Variants in ARHGEF10L observed in about 807,000 individuals in gnomAD.
ARHGEF10L encodes rho guanine nucleotide exchange factor 10-like protein.
ARHGEF10L carries 69 observed loss-of-function variants against 141.2 expected under a neutral mutation model. That is an observed-to-expected ratio of 0.49 (90% confidence interval 0.40 to 0.60). The LOEUF is 0.60. ARHGEF10L is among the 20% of genes least tolerant of loss of function. The probability of loss-of-function intolerance (pLI) is 0.00; values close to 1 mark genes in which losing one functional copy is unlikely to be tolerated. For synonymous variants in ARHGEF10L, 711 were observed against 718.5 expected (o/e 0.99, Z 0.17); for missense variants, 1,482 against 1,734.3 (o/e 0.85, Z 2.58).
chr1:17,580,691 G>A, intron 2 of ARHGEF10L, 59 bp downstream of exon 2: 1 of 1,605,420 alleles, frequency 6.2e-7, no homozygotes, highest in Non-Finnish European at 8.5e-7. Context: ...GCCGCTGGGG[G>A]CCGGCGGAGG....
chr1:17,647,858 A>G (rs2061689445), intron 21 of ARHGEF10L, among the ~76,000 whole-genome samples: 1 of 152,142 alleles, frequency 6.6e-6, no homozygotes, highest in Admixed American at 6.5e-5. Flanking sequence ...AACGAGGTTT[A>G]GCAGATGCTC....
intron 25 of ARHGEF10L, among the ~76,000 whole-genome samples, chr1:17,659,444 C>T (rs1023834357): frequency 6.6e-6 from 1 of 152,202 alleles, no homozygotes; most frequent in African/African-American, 2.4e-5. Flanking sequence ...TTGAATCATC[C>T]ACCTGGTCCG....
intron 26 of ARHGEF10L, among the ~76,000 whole-genome samples, chr1:17,671,057 T>C (rs1007482732): frequency 1.3e-5 from 2 of 152,262 alleles, no homozygotes; most frequent in African/African-American, 4.8e-5. Context: ...TCTCCTTGAG[T>C]GCAGTTGTCC....
chr1:17,691,167 T>G (rs1042464395), intron 27 of ARHGEF10L: 1 of 455,614 alleles, frequency 2.2e-6, no homozygotes, highest in Non-Finnish European at 4.4e-6. Flanking sequence ...TTTTTAAAGT[T>G]GTATATCTCC....
At chr1:17,636,229 G>A (rs1047252316) in intron 18 of ARHGEF10L, among the ~76,000 whole-genome samples, 1 of 152,208 alleles carries the variant, frequency 6.6e-6, no homozygotes, top group Non-Finnish European at 1.5e-5. Flanking sequence ...TGATGTGTCT[G>A]TGGCCGCATT....
chr1:17,566,416 G>A (rs1252929712), intron 1 of ARHGEF10L, among the ~76,000 whole-genome samples: 5 of 152,238 alleles, frequency 3.3e-5, no homozygotes. Context: ...ATAAATCAAG[G>A]TGGGATGGAA....
At chr1:17,640,157 C>T (rs1003026890) in intron 20 of ARHGEF10L, 45 bp from the exon 21 acceptor site, 5 of 1,580,734 alleles carry the variant, frequency 3.2e-6, no homozygotes, top group East Asian at 2.3e-5. Context: ...GAGCCTGGCC[C>T]TTGTGTGGGT....
chr1:17,640,778 G>A (rs755722210), intron 21 of ARHGEF10L, among the ~76,000 whole-genome samples: 3 of 152,194 alleles, frequency 2.0e-5, no homozygotes, highest in Non-Finnish European at 2.9e-5. Context: ...GAAAAATGAT[G>A]CAGGTTGGAC....
intron 26 of ARHGEF10L, 28 bp downstream of exon 26, chr1:17,664,623 C>T: frequency 6.7e-7 from 1 of 1,493,756 alleles, no homozygotes; most frequent in Non-Finnish European, 8.9e-7. Flanking sequence ...GGCTTGTGGC[C>T]CTGGAGGCCT....
At chr1:17,572,686 C>T (rs1395402741) in intron 1 of ARHGEF10L, among the ~76,000 whole-genome samples, 3 of 152,154 alleles carry the variant, frequency 2.0e-5, no homozygotes, top group Admixed American at 6.5e-5. Flanking sequence ...TGCCTGAGGA[C>T]AGGAACCCGG....
chr1:17,635,619 C>T (rs1247786582), intron 18 of ARHGEF10L, among the ~76,000 whole-genome samples: 1 of 152,220 alleles, frequency 6.6e-6, no homozygotes, highest in Middle Eastern at 3.2e-3. Flanking sequence ...ATGGCACTTC[C>T]TCAGAGAAGC....
chr1:17,570,235 G>A (rs1297517209), intron 1 of ARHGEF10L, among the ~76,000 whole-genome samples: 1 of 152,234 alleles, frequency 6.6e-6, no homozygotes, highest in East Asian at 1.9e-4. Flanking sequence ...CATTCTCATA[G>A]GAGGAAACTG....
intron 21 of ARHGEF10L, among the ~76,000 whole-genome samples, chr1:17,645,335 G>T (rs1473897302): frequency 6.6e-6 from 1 of 152,104 alleles, no homozygotes; most frequent in Non-Finnish European, 1.5e-5. Context: ...GTCCCCAGTC[G>T]CAGGCAGGGA....
chr1:17,664,163 G>A (rs572109198), intron 25 of ARHGEF10L, among the ~76,000 whole-genome samples: 1 of 152,138 alleles, frequency 6.6e-6, no homozygotes, highest in African/African-American at 2.4e-5. Context: ...ATGAATGGGA[G>A]AGAGGGAAAG....
intron 14 of ARHGEF10L, 98 bp downstream of exon 14, chr1:17,626,146 C>T (rs906286812): frequency 1.7e-5 from 18 of 1,052,466 alleles, no homozygotes; most frequent in Non-Finnish European, 2.1e-5. Flanking sequence ...GGCTCTTGTC[C>T]GTGATCCATA....
intron 25 of ARHGEF10L, among the ~76,000 whole-genome samples, chr1:17,659,133 C>T (rs570455384): frequency 3.7e-4 from 56 of 152,266 alleles, no homozygotes; most frequent in South Asian, 8.3e-4. Context: ...ACTGGGTTCC[C>T]TCTGGCTGGT....
chr1:17,671,329 C>T (rs2063311315), intron 26 of ARHGEF10L, among the ~76,000 whole-genome samples: 2 of 151,998 alleles, frequency 1.3e-5, no homozygotes, highest in Admixed American at 1.3e-4. Flanking sequence ...AGGGAGTCCC[C>T]TCCCAAGAGA....
the ARHGEF10L span, among the ~76,000 whole-genome samples, chr1:17,534,103 A>G: frequency 6.6e-6 from 1 of 150,802 alleles, no homozygotes; most frequent in East Asian, 2.0e-4. Context: ...CTGGGATTAC[A>G]AGCAGCTGCC....
intron 22 of ARHGEF10L, among the ~76,000 whole-genome samples, chr1:17,652,447 C>T (rs753225233): frequency 2.0e-5 from 3 of 152,146 alleles, no homozygotes; most frequent in African/African-American, 4.8e-5. Context: ...GGTCACAGCA[C>T]CTTCCTGACT....
Sources: gnomAD v4.1 joint callset for allele counts (sites outside exome capture counted in the v4.1 genomes callset) on GRCh38, gnomAD v4.1.1 for gene constraint, MANE v1.5 for transcripts, NCBI Gene and HGNC (gene_info 2026-07-23, HGNC 2026-07-21) for gene names.